MSI2: variants seen among roughly 807,000 people sequenced by gnomAD.
MSI2 encodes the protein RNA-binding protein Musashi homolog 2.
In MSI2, 17 loss-of-function variants were observed where a neutral mutation model predicts 45.6. The observed-to-expected ratio is 0.37, with a 90% CI of 0.26 to 0.56. The LOEUF is 0.56. Ranked by LOEUF, MSI2 falls within the 20% of genes least tolerant of loss-of-function variation. The pLI is 0.77. For synonymous variants in MSI2, 156 were observed against 158.2 expected, an observed-to-expected ratio of 0.99 and a Z score of 0.11; for missense variants, 293 against 444.2, an observed-to-expected ratio of 0.66 and a Z score of 3.06.
intron 6 of MSI2, chr17:57,522,572 A>G (rs755057192): frequency 3.5e-4 from 53 of 152,306 alleles, no homozygotes; most frequent in African/African-American, 1.3e-3. Context: ...GGCCAAGTCA[A>G]TGCTTCCAGA....
chr17:57,563,717 C>G (rs1746638378), intron 7 of MSI2, among the ~76,000 whole-genome samples: 1 of 147,648 alleles, frequency 6.8e-6, no homozygotes, highest in Admixed American at 6.7e-5. Flanking sequence ...GTCTCTCTCT[C>G]TCTTTCCCTC....
chr17:57,435,577 C>T (rs1598267193), intron 6 of MSI2, among the ~76,000 whole-genome samples: 1 of 152,182 alleles, frequency 6.6e-6, no homozygotes, highest in Non-Finnish European at 1.5e-5. Flanking sequence ...ATTCTTCTGT[C>T]GTACACCTCT....
chr17:57,293,596 T>TGG (rs1555573445), intron 5 of MSI2, among the ~76,000 whole-genome samples: 6 of 17,504 alleles, frequency 3.4e-4, no homozygotes, highest in South Asian at 2.1e-3. Flanking sequence ...TGTTTTTTTG[T>TGG]TTTTTTTTTT....
chr17:57,316,083 G>A (rs1598109615), intron 5 of MSI2, among the ~76,000 whole-genome samples: 3 of 151,980 alleles, frequency 2.0e-5, no homozygotes, highest in Admixed American at 6.6e-5. Flanking sequence ...CATCATGTGA[G>A]TACACCTGGT....
intron 5 of MSI2, chr17:57,266,548 A>G (rs1227392973): frequency 6.6e-6 from 1 of 152,124 alleles, no homozygotes; most frequent in East Asian, 1.9e-4. Context: ...TTTTGTAGAA[A>G]TGGGGTTTCA....
rs573135366 is a variant in MSI2 at position 57,674,543 on chromosome 17, T to C, written c.791-429T>C. On this transcript the variant is annotated intron_variant, in intron 11 of 13. Transcript: ENST00000284073. ...TGTAGTTTGCATGGGATGTGAATGC[T>C]GTCTCAACGTGCCCAGATCTAGAAG... is the stretch of plus-strand genomic sequence containing the variant. Among the ~76,000 whole-genome samples, 4 of 152,250 alleles carry C rather than the reference T, an allele frequency of 2.6e-5. No homozygotes were observed. The South Asian group carries it at 8.3e-4, about 32-fold the overall frequency.
chr17:57,514,748 G>A (rs2086434138), intron 6 of MSI2, among the ~76,000 whole-genome samples: 2 of 151,452 alleles, frequency 1.3e-5, no homozygotes, highest in African/African-American at 2.4e-5. Flanking sequence ...GATTAAGTAG[G>A]AGGGTTGGTT....
chr17:57,451,323 G>A (rs1170435174), intron 6 of MSI2, among the ~76,000 whole-genome samples: 1 of 152,198 alleles, frequency 6.6e-6, no homozygotes, highest in East Asian at 1.9e-4. Flanking sequence ...ATTTCTCGGA[G>A]AAGCCACCCC....
At chr17:57,367,019 T>C (rs1437123317) in intron 5 of MSI2, among the ~76,000 whole-genome samples, 1 of 152,264 alleles carries the variant, frequency 6.6e-6, no homozygotes, top group Non-Finnish European at 1.5e-5. Context: ...GGCTGTCAGA[T>C]TGAGTTTGCC....
At chr17:57,342,509 T>C (rs1288755127) in intron 5 of MSI2, among the ~76,000 whole-genome samples, 2 of 152,234 alleles carry the variant, frequency 1.3e-5, no homozygotes, top group Admixed American at 6.5e-5. Flanking sequence ...GAATGACTTT[T>C]CCTCTTGTTC....
Position 57,632,085 on chromosome 17 carries a change from C to G in MSI2, c.727+4782C>G, listed in dbSNP as rs139515721. 4.7e-4 allele frequency: 603 copies of G among 1,285,510 alleles called. 6 individuals are homozygous for G. In the South Asian group the frequency reaches 0.014, roughly 29 times the overall value. 79.6% of individuals were successfully genotyped at this position (1,285,510 alleles called of 1,614,324 possible). A position where few individuals can be genotyped will look rare whatever the true frequency, so the allele number is the denominator to read the frequency against. On this transcript the variant is annotated intron_variant, in intron 10 of 13. Coordinates refer to ENST00000284073, the MANE Select transcript of MSI2 (RefSeq NM_138962.4). ...GTATGCATTGTGACCGACCCCACTT[C>G]CTCAGAATGTAACGGGGCCAGAGGG...
chr17:57,597,706 T>C (rs1905395419), intron 8 of MSI2, among the ~76,000 whole-genome samples: 1 of 152,260 alleles, frequency 6.6e-6, no homozygotes. Flanking sequence ...GGGCGGGATT[T>C]GACCTATGAG....
intron 11 of MSI2, among the ~76,000 whole-genome samples, chr17:57,655,898 AT>A (rs1409255814): frequency 6.6e-6 from 1 of 151,746 alleles, no homozygotes; most frequent in East Asian, 1.9e-4. Flanking sequence ...TTCGTTTTTG[AT>A]TTTTTTTATT....
rs560003770 is a variant in MSI2 at position 57,558,529 on chromosome 17, C to T, written c.454+28805C>T. Among the ~76,000 whole-genome samples the T allele has an allele frequency of 1.9e-4, 29 of 152,260 alleles. No individual in the cohort carries two copies. In the East Asian group the frequency reaches 4.8e-3, roughly 25 times the overall value. On this transcript the variant is annotated intron_variant, in intron 7 of 13. Coordinates refer to ENST00000284073, the MANE Select transcript of MSI2 (RefSeq NM_138962.4). The stretch of plus-strand genomic sequence containing the variant: ...ATGAGACCCTGGCTGGCTGAACTGC[C>T]GCTCACCGTGTGTTTTTGGAGACAC...
At chr17:57,384,151 T>A (rs1016401892) in intron 5 of MSI2, among the ~76,000 whole-genome samples, 7 of 152,228 alleles carry the variant, frequency 4.6e-5, no homozygotes, top group Non-Finnish European at 8.8e-5. Context: ...CCCTCAAATT[T>A]AGCAGCTTCA....
At chr17:57,379,933 T>C (rs2083570431) in intron 5 of MSI2, among the ~76,000 whole-genome samples, 1 of 152,256 alleles carries the variant, frequency 6.6e-6, no homozygotes, top group Admixed American at 6.5e-5. Context: ...TTTCTTTTCT[T>C]TCTTTTTTTT....
intron 5 of MSI2, chr17:57,294,535 A>T (rs960970521): frequency 6.6e-6 from 1 of 152,262 alleles, no homozygotes; most frequent in Non-Finnish European, 1.5e-5. Flanking sequence ...AAGCTGGGGA[A>T]GGTGAAGAAG....
intron 5 of MSI2, among the ~76,000 whole-genome samples, chr17:57,389,578 G>A (rs540715149): frequency 6.6e-6 from 1 of 152,314 alleles, no homozygotes; most frequent in African/African-American, 2.4e-5. Flanking sequence ...CATCTTTGGA[G>A]CAGAGATGAG....
At chr17:57,263,227 G>A (rs1016383134) in intron 5 of MSI2, among the ~76,000 whole-genome samples, 1 of 152,150 alleles carries the variant, frequency 6.6e-6, no homozygotes, top group South Asian at 2.1e-4. Context: ...CAGGTCTGGG[G>A]CATACCACTT....
Sources: allele counts gnomAD v4.1 joint callset (sites outside exome capture counted in the v4.1 genomes callset), GRCh38; gene constraint gnomAD v4.1.1; transcripts MANE v1.5; gene names NCBI Gene and HGNC (gene_info 2026-07-23, HGNC 2026-07-21).